HFM1: variants seen among roughly 807,000 people sequenced by gnomAD.
HFM1 encodes helicase for meiosis 1.
In HFM1, 169 loss-of-function variants were observed where a neutral mutation model predicts 192.1. That is an observed-to-expected ratio of 0.88 (90% CI 0.78 to 1.00). HFM1 has a LOEUF of 1.00. HFM1 is among the 50% of genes least tolerant of loss of function. The probability of loss-of-function intolerance (pLI) is 0.00; values close to 1 mark genes in which losing one functional copy is unlikely to be tolerated. For missense variants in HFM1, 1,661 were observed against 1,668.0 expected (o/e 1.00, Z 0.07); for synonymous variants, 525 against 537.8 (o/e 0.98, Z 0.33).
At chr1:91,299,550 C>A (rs943519621) in intron 30 of HFM1, among the ~76,000 whole-genome samples, 9 of 152,102 alleles carry the variant, frequency 5.9e-5, no homozygotes, top group Non-Finnish European at 1.2e-4. Flanking sequence ...CTCTCCTCAG[C>A]AAATGTAAAA....
At chr1:91,328,656 C>G in intron 20 of HFM1, 1 of 1,592,526 alleles carries the variant, frequency 6.3e-7, no homozygotes, top group Non-Finnish European at 8.6e-7. Context: ...CACCACAGCA[C>G]AAGTCAGGCG....
At chr1:91,377,758 G>A (rs1173903794) in intron 11 of HFM1, 1 of 425,060 alleles carries the variant, frequency 2.4e-6, no homozygotes, top group Non-Finnish European at 4.1e-6. Context: ...AAGTTACTAT[G>A]AGGCACCTGA....
chr1:91,273,947 C>T (rs1465056461), intron 33 of HFM1, 132 bp from the exon 34 acceptor site: 1 of 566,264 alleles, frequency 1.8e-6, no homozygotes, highest in African/African-American at 1.9e-5. Context: ...TGGACCCAGG[C>T]TGGGTAGCAA....
chr1:91,385,640 T>C lies in HFM1; in HGVS notation c.689A>G (p.Glu230Gly). The C allele has an allele frequency of 6.2e-7, 1 of 1,613,130 alleles. No individual in the cohort carries two copies. Among genetic ancestry groups the C allele is most frequent in the African/African-American group, 1.3e-5 (1 of 75,010 alleles). The change falls in exon 5 of 39, where the codon GAA (glutamate) becomes GGA (glycine). Residue 230 changes from glutamate to glycine, a missense_variant. Transcript: ENST00000370425. ...TGCTTTGAACATGCCTTCTCCGATTTCAGAAGCAGAAAAAGCATTATTTGC... is the reference window on the plus strand; with the variant it reads ...TGCTTTGAACATGCCTTCTCCGATTCCAGAAGCAGAAAAAGCATTATTTGC... ...FTANNAFSAS[E>G]IGEGMFKAPS...
chr1:91,392,739 T>C (rs1014796153), intron 4 of HFM1, among the ~76,000 whole-genome samples: 2 of 152,072 alleles, frequency 1.3e-5, no homozygotes, highest in African/African-American at 4.8e-5. Flanking sequence ...TAACTTGAAG[T>C]ATAATTTAAA....
At chr1:91,324,917 T>C (rs1652659453) in intron 20 of HFM1, 151 bp from the exon 21 acceptor site, 3 of 655,468 alleles carry the variant, frequency 4.6e-6, no homozygotes, top group South Asian at 1.7e-5. Context: ...CACCAAATTT[T>C]AACAACAATC....
rs563060184 is a variant in HFM1, at chr1:91,367,246, T to C, written c.1685+8112A>G. 1.2e-3 allele frequency among the ~76,000 whole-genome samples: 190 copies of C among 152,230 alleles called. 2 individuals are homozygous for C. The highest frequency in any genetic ancestry group is 4.1e-3 in the African/African-American group (172 of 41,530). On this transcript the variant is annotated intron_variant, in intron 13 of 38. Coordinates refer to ENST00000370425, the MANE Select transcript of HFM1 (RefSeq NM_001017975.6). ...GACTTAAATGTCCCTGTCTGACACA[T>C]TGGAAGACAGTAGTGGTTCTCCCAG...
chr1:91,395,949 A>C (rs1485249305), intron 3 of HFM1, among the ~76,000 whole-genome samples: 1 of 151,502 alleles, frequency 6.6e-6, no homozygotes, highest in Non-Finnish European at 1.5e-5. Context: ...CCTGGGTTCA[A>C]GCCATTCTCC....
At chr1:91,367,175 C>T (rs987883873) in intron 13 of HFM1, among the ~76,000 whole-genome samples, 2 of 152,214 alleles carry the variant, frequency 1.3e-5, no homozygotes, top group Admixed American at 1.3e-4. Context: ...GACTCCACCT[C>T]TGGGGGCAGG....
chr1:91,279,983 C>T (rs187144928), intron 30 of HFM1, among the ~76,000 whole-genome samples: 74 of 132,818 alleles, frequency 5.6e-4, no homozygotes, highest in African/African-American at 2.1e-3. Context: ...CTGTTTACCT[C>T]ACAGAGACGT....
At chr1:91,338,312 C>T (rs569519449) in intron 20 of HFM1, among the ~76,000 whole-genome samples, 1 of 152,184 alleles carries the variant, frequency 6.6e-6, no homozygotes, top group African/African-American at 2.4e-5. Context: ...TGCCATGCTC[C>T]TCTAAGTGGT....
At chr1:91,375,876 T>C (rs1660842934) in intron 11 of HFM1, 149 bp from the exon 12 acceptor site, 1 of 631,978 alleles carries the variant, frequency 1.6e-6, no homozygotes, top group Non-Finnish European at 2.8e-6. Context: ...ATTCCATTAA[T>C]ATTATTCTGT....
In HFM1 at chr1:91,329,515, A is replaced by G. The variant is rs1321969176; in HGVS notation, c.2336-4749T>C. 3 of 1,514,660 alleles carry G rather than the reference A, an allele frequency of 2.0e-6. No individual in the cohort carries two copies. In the African/African-American group the frequency reaches 4.2e-5, roughly 21 times the overall value. 93.8% of individuals were successfully genotyped at this position (1,514,660 alleles called of 1,614,324 possible). A position where few individuals can be genotyped will look rare whatever the true frequency, so the allele number is the denominator to read the frequency against. On this transcript the variant is annotated intron_variant, in intron 20 of 38. Coordinates refer to ENST00000370425, the MANE Select transcript of HFM1 (RefSeq NM_001017975.6). Reference sequence around the variant, plus strand: ...GCAGCAAGGAAGTTTAAAAGGGGAAAATAAATGTGTTTCCCCATTATACCT... The same window carrying G: ...GCAGCAAGGAAGTTTAAAAGGGGAAGATAAATGTGTTTCCCCATTATACCT...
rs770740284 is a variant in HFM1, at chr1:91,350,765, T to A, written c.2179A>T (p.Arg727Ter). The A allele has an allele frequency of 6.2e-7, 1 of 1,611,834 alleles. No individual in the cohort carries two copies. Among genetic ancestry groups the A allele is most frequent in the South Asian group, 1.1e-5 (1 of 90,774 alleles). ...TAATGAGATGGATTTTTCAAGGCTCTGATATAAAGCAGAGTTGATCGTATC... is the reference window on the plus strand; with the variant it reads ...TAATGAGATGGATTTTTCAAGGCTCAGATATAAAGCAGAGTTGATCGTATC... ...EWIRSTLLYI[R>*]ALKNPSHYGF... is the part of the protein sequence containing the mutation. Residue 727 changes from arginine (R) to a stop codon, truncating the protein, a stop_gained, in exon 18 of 39, where the codon AGA (arginine) becomes TGA (stop). Coordinates refer to ENST00000370425, the MANE Select transcript of HFM1 (RefSeq NM_001017975.6). LOFTEE classifies it high-confidence loss of function.
chr1:91,355,495 A>ACAC (rs1395266056), intron 13 of HFM1, among the ~76,000 whole-genome samples: 2 of 152,030 alleles, frequency 1.3e-5, no homozygotes, highest in African/African-American at 4.8e-5. Flanking sequence ...AGCTATAAGG[A>ACAC]CACCGGCTGA....
intron 30 of HFM1, among the ~76,000 whole-genome samples, chr1:91,298,570 C>T (rs1176309606): frequency 6.6e-6 from 1 of 152,186 alleles, no homozygotes; most frequent in Non-Finnish European, 1.5e-5. Flanking sequence ...GGAAATCCAT[C>T]AGACTAACAG....
chr1:91,306,859 C>T (rs1049832857), intron 30 of HFM1, among the ~76,000 whole-genome samples: 2 of 152,108 alleles, frequency 1.3e-5, no homozygotes, highest in Admixed American at 6.5e-5. Flanking sequence ...GCTTCAATTT[C>T]ATTACTAGTA....
intron 3 of HFM1, among the ~76,000 whole-genome samples, chr1:91,395,291 G>A (rs1241542615): frequency 6.6e-6 from 1 of 152,068 alleles, no homozygotes; most frequent in Non-Finnish European, 1.5e-5. Flanking sequence ...GAACAGCAGT[G>A]ATAGGAGTTT....
chr1:91,286,525 C>T (rs909237926), intron 30 of HFM1, among the ~76,000 whole-genome samples: 8 of 152,072 alleles, frequency 5.3e-5, no homozygotes, highest in Non-Finnish European at 8.8e-5. Flanking sequence ...GTGTCTGTGT[C>T]TTTTTGCCTT....
Sources: allele counts gnomAD v4.1 joint callset (sites outside exome capture counted in the v4.1 genomes callset), GRCh38; gene constraint gnomAD v4.1.1; transcripts MANE v1.5; gene names NCBI Gene and HGNC (gene_info 2026-07-23, HGNC 2026-07-21).